SACM1L: variants seen among roughly 807,000 people sequenced by gnomAD.
SACM1L encodes the protein SAC1 like phosphatidylinositide phosphatase, also known as phosphatidylinositol-3-phosphatase SAC1.
In SACM1L, 32 loss-of-function variants were observed where a neutral mutation model predicts 89.5. The observed-to-expected ratio is 0.36, with a 90% CI of 0.27 to 0.48. The LOEUF (loss-of-function observed/expected upper bound fraction) is 0.48. SACM1L is among the 20% of genes least tolerant of loss of function. SACM1L has a pLI of 0.99. For missense variants in SACM1L, 543 were observed against 708.5 expected (o/e 0.77, Z 2.65); for synonymous variants, 213 against 232.8 (o/e 0.92, Z 0.77).
At position 45,737,849 on chromosome 3, in the gene SACM1L, G is replaced by A; in HGVS notation, c.1382+5G>A. 6.2e-7 allele frequency: 1 copy of A among 1,612,218 alleles called. No homozygotes were observed. The highest frequency in any genetic ancestry group is 8.5e-7 in the Non-Finnish European group (1 of 1,178,402). On this transcript the variant is annotated splice_donor_5th_base_variant and intron_variant, in intron 16 of 19. Coordinates refer to ENST00000389061, the MANE Select transcript of SACM1L (RefSeq NM_014016.5). The stretch of plus-strand genomic sequence containing the variant: ...CTTGAAGACTGACTTTACCAGGCAA[G>A]CCATGCTTTTAAAATAGCATTCCAC...
chr3:45,700,837 A>G (rs1176122692), intron 1 of SACM1L, among the ~76,000 whole-genome samples: 3 of 152,066 alleles, frequency 2.0e-5, no homozygotes, highest in Middle Eastern at 6.8e-3. Context: ...ATGGCCAGCT[A>G]ATGTTTGTAT....
intron 11 of SACM1L, among the ~76,000 whole-genome samples, chr3:45,728,649 T>C (rs1159111593): frequency 2.6e-5 from 4 of 152,224 alleles, no homozygotes; most frequent in African/African-American, 9.6e-5. Flanking sequence ...ATTATTTTTA[T>C]GCAGTTGGCT....
At chr3:45,738,299 T>G (rs1013515162) in intron 16 of SACM1L, among the ~76,000 whole-genome samples, 15 of 152,248 alleles carry the variant, frequency 9.9e-5, no homozygotes, top group Admixed American at 6.5e-4. Flanking sequence ...CTTTGCTGTG[T>G]CCTACCACTT....
chr3:45,724,757 G>A lies in SACM1L; in HGVS notation c.921+1214G>A, dbSNP rs149790475. On this transcript the variant is annotated intron_variant, in intron 11 of 19. Coordinates refer to ENST00000389061, the MANE Select transcript of SACM1L (RefSeq NM_014016.5). ...TATTTTCTTTTTAGGAGTCTTTATA[G>A]TTTTAGATCTTACAGTTAGGTCTTT... 2.4e-3 allele frequency among the ~76,000 whole-genome samples: 369 copies of A among 152,140 alleles called. 2 individuals carry two copies. Among genetic ancestry groups the A allele is most frequent in the African/African-American group, 8.6e-3 (359 of 41,536 alleles).
intron 4 of SACM1L, among the ~76,000 whole-genome samples, chr3:45,709,112 A>T (rs1698464063): frequency 6.6e-6 from 1 of 152,230 alleles, no homozygotes; most frequent in Non-Finnish European, 1.5e-5. Flanking sequence ...TGTCGAAGAT[A>T]GCTATGCTAA....
intron 11 of SACM1L, 107 bp downstream of exon 11, chr3:45,723,650 T>A: frequency 2.7e-6 from 1 of 373,234 alleles, no homozygotes; most frequent in Non-Finnish European, 4.8e-6. Context: ...TGGCATTAAG[T>A]AGTTCATAAT....
chr3:45,727,690 G>A (rs1698953916), intron 11 of SACM1L, among the ~76,000 whole-genome samples: 1 of 152,078 alleles, frequency 6.6e-6, no homozygotes, highest in East Asian at 1.9e-4. Context: ...ATGCCTCCCT[G>A]GTTTGCACCA....
At chr3:45,711,132 C>G (rs1698517961) in intron 5 of SACM1L, among the ~76,000 whole-genome samples, 1 of 152,082 alleles carries the variant, frequency 6.6e-6, no homozygotes, top group African/African-American at 2.4e-5. Flanking sequence ...CTGAGGTTGT[C>G]AGGGACAACT....
intron 8 of SACM1L, 54 bp from the exon 9 acceptor site, chr3:45,721,946 A>G (rs1248719327): frequency 2.5e-6 from 3 of 1,193,260 alleles, no homozygotes; most frequent in Admixed American, 1.8e-5. Context: ...TGGGTTTCTG[A>G]TGTGTTTCTT....
intron 5 of SACM1L, among the ~76,000 whole-genome samples, chr3:45,710,787 T>A (rs1456563382): frequency 6.6e-6 from 1 of 152,194 alleles, no homozygotes; most frequent in Non-Finnish European, 1.5e-5. Flanking sequence ...ACTGGCTTTT[T>A]TGGGTGAGAT....
chr3:45,731,988 G>C (rs1052424073), intron 12 of SACM1L, 65 bp from the exon 13 acceptor site: 1 of 914,490 alleles, frequency 1.1e-6, no homozygotes, highest in African/African-American at 1.7e-5. Flanking sequence ...GCTTATGAAG[G>C]TATTATTAAT....
chr3:45,714,257 G>A (rs1157514103), intron 7 of SACM1L, among the ~76,000 whole-genome samples, 178 bp downstream of exon 7: 114 of 140,448 alleles, frequency 8.1e-4, no homozygotes, highest in African/African-American at 2.9e-3. Context: ...TTTTTTTTTA[G>A]AATGAACTTT....
chr3:45,731,441 A>G, intron 12 of SACM1L, 61 bp downstream of exon 12: 1 of 1,082,818 alleles, frequency 9.2e-7, no homozygotes, highest in Non-Finnish European at 1.4e-6. Flanking sequence ...ACATATATGC[A>G]TGATTACATA....
chr3:45,738,735 A>T, intron 17 of SACM1L, 46 bp from the exon 18 acceptor site: 1 of 1,518,446 alleles, frequency 6.6e-7, no homozygotes. Flanking sequence ...TTCATCACTA[A>T]TGTTATCTCA....
intron 1 of SACM1L, among the ~76,000 whole-genome samples, chr3:45,695,742 G>A (rs1055809856): frequency 2.6e-5 from 4 of 152,090 alleles, no homozygotes; most frequent in African/African-American, 9.7e-5. Flanking sequence ...GCACATTCAT[G>A]TTGTACAACC....
chr3:45,705,137 A>C lies in SACM1L; in HGVS notation c.133A>C (p.Lys45Gln), dbSNP rs2125686968. The C allele has an allele frequency of 6.3e-7, 1 of 1,599,686 alleles. No individual in the cohort carries two copies. Among genetic ancestry groups the C allele is most frequent in the East Asian group, 2.3e-5 (1 of 44,286 alleles). Residue 45 changes from lysine to glutamine, a missense_variant and splice_region_variant, in exon 3 of 20, where the codon AAG (lysine) becomes CAG (glutamine). Physicochemically the swap from Lys to Gln is moderately conservative, Grantham distance 53 (BLOSUM62 1). Around this residue, in one of 2 missense-constraint regions of SACM1L, gnomAD observed 173 missense variants for 180.9 expected, o/e 0.96. Transcript: ENST00000389061. ...TCTTTCTTTCCTTTCTTTTAAAGTCAAGAAAGATGTTCCTCCTTCAGCTGT... is the reference window on the plus strand; with the variant it reads ...TCTTTCTTTCCTTTCTTTTAAAGTCCAGAAAGATGTTCCTCCTTCAGCTGT... ...RVSTEVTLAV[K>Q]KDVPPSAVTR...
chr3:45,689,411 G>C lies in SACM1L; in HGVS notation c.-55G>C. ...GGTGACCGGTAGAGTTGTAGCCGAG[G>C]TGGCGGCGCGGGGCGGGGCGGGCGG... On this transcript the variant is annotated 5_prime_UTR_variant, in exon 1 of 20. Transcript: ENST00000389061. 1 of 1,556,114 alleles carries C rather than the reference G, an allele frequency of 6.4e-7. No homozygotes were observed. The highest frequency in any genetic ancestry group is 8.7e-7 in the Non-Finnish European group (1 of 1,150,206).
rs1395701813 is a variant in SACM1L, at chr3:45,726,962, T to C, written c.921+3419T>C. 5.6e-5 allele frequency among the ~76,000 whole-genome samples: 4 copies of C among 71,350 alleles called. 2 individuals are homozygous for C. The highest frequency in any genetic ancestry group is 1.2e-4 in the Non-Finnish European group (4 of 33,680). 46.8% of individuals were successfully genotyped at this position (71,350 alleles called of 152,430 possible). A position where few individuals can be genotyped will look rare whatever the true frequency, so the allele number is the denominator to read the frequency against. On this transcript the variant is annotated intron_variant, in intron 11 of 19. Transcript: ENST00000389061. ...CTGCAGTGGCGCAATCTCGGCTCACTGCAAGCTCCGCTTCCCGGGTTCACG... is the reference window on the plus strand; with the variant it reads ...CTGCAGTGGCGCAATCTCGGCTCACCGCAAGCTCCGCTTCCCGGGTTCACG...
At chr3:45,722,668 C>T (rs530906926) in intron 9 of SACM1L, among the ~76,000 whole-genome samples, 3 of 152,122 alleles carry the variant, frequency 2.0e-5, no homozygotes, top group East Asian at 1.9e-4. Flanking sequence ...GTATATAAAA[C>T]TAGAAGGAGA....
Sources: allele counts gnomAD v4.1 joint callset (sites outside exome capture counted in the v4.1 genomes callset), GRCh38; gene constraint gnomAD v4.1.1; regional missense constraint gnomAD v4.1.1; transcripts MANE v1.5; gene names NCBI Gene and HGNC (gene_info 2026-07-23, HGNC 2026-07-21).